Variants in MYO9A observed in about 807,000 individuals in gnomAD.
The protein encoded by MYO9A is unconventional myosin-IXa.
A neutral mutation model predicts 293.3 loss-of-function variants in MYO9A; 103 were observed. The ratio of observed to expected loss-of-function variants is 0.35; its 90% CI spans 0.30 to 0.41. The LOEUF is 0.41. Ranked by LOEUF, MYO9A falls within the 10% of genes least tolerant of loss-of-function variation. The pLI, the probability that MYO9A is intolerant of heterozygous loss-of-function variation, is 1.00. For synonymous variants in MYO9A, 1,001 were observed against 1,035.7 expected (o/e 0.97, Z 0.64); for missense variants, 2,685 against 3,033.0 (o/e 0.89, Z 2.69).
At chr15:72,118,253 C>T (rs559023926), upstream of MYO9A, 3 of 324,800 alleles carry the variant, frequency 9.2e-6, no homozygotes, top group Non-Finnish European at 1.7e-5. Context: ...TGCGCAGACA[C>T]GCCCCCTTTC....
intron 1 of MYO9A, among the ~76,000 whole-genome samples, chr15:72,086,650 C>T (rs1280991855): frequency 4.8e-5 from 5 of 105,188 alleles, no homozygotes; most frequent in African/African-American, 1.5e-4. Context: ...TTGGGGGGGC[C>T]GGGGCAGTGG....
At chr15:72,103,550 G>A (rs1017794512) in intron 1 of MYO9A, among the ~76,000 whole-genome samples, 1 of 150,264 alleles carries the variant, frequency 6.7e-6, no homozygotes, top group Admixed American at 6.6e-5. Context: ...AGCAGAAGCA[G>A]TGGAAGCAGA....
At chr15:71,971,121 G>A (rs1221459190) in intron 12 of MYO9A, among the ~76,000 whole-genome samples, 6 of 151,202 alleles carry the variant, frequency 4.0e-5, no homozygotes, top group African/African-American at 9.7e-5. Flanking sequence ...AGATCGTGCC[G>A]CTGCACTCCA....
At chr15:71,930,944 C>T (rs573514664) in intron 18 of MYO9A, among the ~76,000 whole-genome samples, 1 of 152,252 alleles carries the variant, frequency 6.6e-6, no homozygotes, top group South Asian at 2.1e-4. Flanking sequence ...ACTTTCATTG[C>T]ATGCATAAAC....
intron 39 of MYO9A, among the ~76,000 whole-genome samples, chr15:71,839,354 C>T (rs567435351): frequency 7.8e-4 from 119 of 152,232 alleles, no homozygotes; most frequent in Non-Finnish European, 1.3e-3. Context: ...AGTGCCAGAG[C>T]TGTACTTCCA....
At chr15:71,957,391 C>A (rs1453337097) in intron 14 of MYO9A, among the ~76,000 whole-genome samples, 1 of 152,074 alleles carries the variant, frequency 6.6e-6, no homozygotes. Flanking sequence ...TTTAGAGGTC[C>A]TTACCCCACC....
chr15:71,917,970 T>C (rs1221255591), intron 18 of MYO9A, among the ~76,000 whole-genome samples: 4 of 152,074 alleles, frequency 2.6e-5, no homozygotes, highest in Admixed American at 2.0e-4. Flanking sequence ...GCTTATCATC[T>C]GTATGTAAAA....
intron 2 of MYO9A, among the ~76,000 whole-genome samples, chr15:72,036,097 G>A (rs886829334): frequency 2.6e-5 from 4 of 152,070 alleles, no homozygotes; most frequent in African/African-American, 9.7e-5. Context: ...ATACATAGTT[G>A]AAAATATTCA....
At chr15:71,866,831 G>C (rs1056209914) in intron 32 of MYO9A, among the ~76,000 whole-genome samples, 2 of 152,072 alleles carry the variant, frequency 1.3e-5, no homozygotes, top group Admixed American at 6.5e-5. Context: ...CGCCGAGGCG[G>C]GTGGATCACA....
intron 31 of MYO9A, among the ~76,000 whole-genome samples, chr15:71,876,148 A>AT (rs398039451): frequency 0.2 from 28,853 of 144,188 alleles, 3,102 homozygotes; most frequent in East Asian, 0.41. Context: ...TCATTAATTG[A>AT]TTTTTTTTTT....
chr15:72,043,254 G>A (rs1220653576), intron 2 of MYO9A, among the ~76,000 whole-genome samples: 3 of 152,124 alleles, frequency 2.0e-5, no homozygotes, highest in African/African-American at 4.8e-5. Flanking sequence ...TACCAAAGAT[G>A]TAAAAGACCT....
chr15:72,097,939 TA>T (rs937436623), intron 1 of MYO9A, among the ~76,000 whole-genome samples: 1 of 151,570 alleles, frequency 6.6e-6, no homozygotes, highest in Non-Finnish European at 1.5e-5. Context: ...AAAATTTTTT[TA>T]AAAAAAAGAA....
At chr15:72,099,427 A>C (rs1382269471) in intron 1 of MYO9A, among the ~76,000 whole-genome samples, 36 of 145,214 alleles carry the variant, frequency 2.5e-4, no homozygotes, top group Non-Finnish European at 3.7e-4. Flanking sequence ...TGCCCCAAAA[A>C]AAAAAAAAAA....
At chr15:72,003,523 C>T (rs2076931377) in intron 8 of MYO9A, among the ~76,000 whole-genome samples, 2 of 151,334 alleles carry the variant, frequency 1.3e-5, no homozygotes, top group African/African-American at 2.4e-5. Context: ...GGTGAAACCC[C>T]GTCTCTACTA....
Position 71,860,969 on chromosome 15 carries a change from C to CAAAAAAAAAAAAAAAAAAAA in MYO9A, c.6092-1193_6092-1174dup, listed in dbSNP as rs61030744. ...GCAACAAAGTTAGACTCCATCTCAC[C>CAAAAAAAAAAAAAAAAAAAA]AAAAAAAAAAAAAAAAAAAAAAAAA... On this transcript the variant is annotated intron_variant, in intron 33 of 41. Transcript: ENST00000356056. Among the ~76,000 whole-genome samples, 33 of 32,416 alleles carry CAAAAAAAAAAAAAAAAAAAA rather than the reference C, an allele frequency of 1.0e-3. 2 individuals carry two copies. The highest frequency in any genetic ancestry group is 3.0e-3 in the East Asian group (3 of 1,004). The allele number at this position is 32,416 out of a possible 152,430, so 21.3% of individuals were successfully genotyped here.
Position 71,991,118 on chromosome 15 carries a change from G to C in MYO9A, c.1707C>G (p.Ile569Met). 1 of 1,601,538 alleles carries C rather than the reference G, an allele frequency of 6.2e-7. No homozygotes were observed. The highest frequency in any genetic ancestry group is 2.3e-5 in the East Asian group (1 of 44,354). Residue 569 changes from isoleucine to methionine, a missense_variant, in exon 11 of 42, where the codon ATC becomes ATG. Transcript: ENST00000356056. Reference sequence around the variant, plus strand: ...AGGTACTCACTTGTTCCAATTTAAAGATATGCTGATTAAAGTAGTGCTGTA... The same window carrying C: ...AGGTACTCACTTGTTCCAATTTAAACATATGCTGATTAAAGTAGTGCTGTA... ...ERLQHYFNQH[I>M]FKLEQEEYRT... is the part of the protein sequence containing the mutation.
At chr15:72,080,659 A>AG (rs2079517844) in intron 1 of MYO9A, among the ~76,000 whole-genome samples, 2 of 152,058 alleles carry the variant, frequency 1.3e-5, no homozygotes, top group Non-Finnish European at 2.9e-5. Context: ...GGTTTCTTAT[A>AG]AAGGTTAACT....
intron 1 of MYO9A, among the ~76,000 whole-genome samples, chr15:72,107,745 A>G (rs1262132710): frequency 6.6e-6 from 1 of 151,484 alleles, no homozygotes; most frequent in Non-Finnish European, 1.5e-5. Context: ...AAAATAATTC[A>G]GGAACCTGTT....
chr15:71,922,526 C>T (rs1440922643), intron 18 of MYO9A, among the ~76,000 whole-genome samples: 1 of 152,098 alleles, frequency 6.6e-6, no homozygotes, highest in African/African-American at 2.4e-5. Context: ...GAACCATATT[C>T]AACTTGCTAC....
Sources: gnomAD v4.1 joint callset for allele counts (sites outside exome capture counted in the v4.1 genomes callset) on GRCh38, gnomAD v4.1.1 for gene constraint, MANE v1.5 for transcripts, NCBI Gene and HGNC (gene_info 2026-07-23, HGNC 2026-07-21) for gene names.